The following CYP2C18 variants were observed in gnomAD, a reference collection of about 807,000 sequenced individuals.
CYP2C18 encodes the protein cytochrome P450 2C18.
Under a neutral mutation model 41.3 loss-of-function variants are expected in CYP2C18, and 38 were observed. The ratio of observed to expected loss-of-function variants is 0.92; its 90% CI spans 0.71 to 1.21. The LOEUF (loss-of-function observed/expected upper bound fraction) is 1.21, where lower values mean the gene tolerates loss of function less well. Among genes scored for constraint, CYP2C18 ranks in the 50% most tolerant of loss-of-function variants. The pLI, the probability that CYP2C18 is intolerant of heterozygous loss-of-function variation, is 0.00. For missense variants in CYP2C18, 635 were observed against 591.4 expected (o/e 1.07, Z -0.77); for synonymous variants, 236 against 210.0 (o/e 1.12, Z -1.07).
intron 5 of CYP2C18, 83 bp downstream of exon 5, chr10:94,707,043 C>G: frequency 1.8e-6 from 2 of 1,130,312 alleles, no homozygotes; most frequent in Non-Finnish European, 1.3e-6. Flanking sequence ...GCAAGAAACA[C>G]TTCATGAGCA....
At chr10:94,707,917 G>T (rs933117235) in intron 5 of CYP2C18, among the ~76,000 whole-genome samples, 1 of 152,026 alleles carries the variant, frequency 6.6e-6, no homozygotes, top group African/African-American at 2.4e-5. Context: ...TAGTGGTAGG[G>T]TCAATATGGA....
chr10:94,733,419 C>T lies in CYP2C18; in HGVS notation c.1272C>T (p.Tyr424=). ...GTGGCAACTTTAAGAAAAGTGACTACTTCATGCCTTTCTCAGCAGGTAATA... is the reference window on the plus strand; with the variant it reads ...GTGGCAACTTTAAGAAAAGTGACTATTTCATGCCTTTCTCAGCAGGTAATA... The part of the protein sequence containing the change: ...DKSGNFKKSD[Y]FMPFSAGKRM... Residue 424 remains tyrosine, a synonymous_variant, in exon 8 of 9, where the codon TAC becomes TAT. Coordinates refer to ENST00000285979, the MANE Select transcript of CYP2C18 (RefSeq NM_000772.3). 1.2e-6 allele frequency: 2 copies of T among 1,613,288 alleles called. No individual in the cohort carries two copies. Among genetic ancestry groups the T allele is most frequent in the Non-Finnish European group, 1.7e-6 (2 of 1,179,484 alleles).
chr10:94,697,451 C>G (rs143566259), intron 4 of CYP2C18, among the ~76,000 whole-genome samples: 112 of 152,206 alleles, frequency 7.4e-4, no homozygotes, highest in African/African-American at 2.3e-3. Flanking sequence ...GTCACCACCA[C>G]GCCTGCCCTA....
At chr10:94,693,760 C>G (rs775225508) in intron 3 of CYP2C18, among the ~76,000 whole-genome samples, 11 of 152,198 alleles carry the variant, frequency 7.2e-5, no homozygotes, top group Non-Finnish European at 1.3e-4. Flanking sequence ...AATTCCCCAT[C>G]ATTACCGCAC....
At chr10:94,693,027 G>T (rs1318878325) in intron 3 of CYP2C18, among the ~76,000 whole-genome samples, 6 of 152,064 alleles carry the variant, frequency 3.9e-5, no homozygotes, top group East Asian at 1.9e-4. Flanking sequence ...GTGGGGGAAG[G>T]GGGGAGGGAT....
intron 7 of CYP2C18, among the ~76,000 whole-genome samples, chr10:94,733,089 A>C (rs1471446275): frequency 6.6e-6 from 1 of 152,076 alleles, no homozygotes; most frequent in Non-Finnish European, 1.5e-5. Context: ...TTCAAGTGCA[A>C]TTAATTGGAG....
chr10:94,724,331 C>G lies in CYP2C18; in HGVS notation c.962-15C>G. 6.2e-7 allele frequency: 1 copy of G among 1,612,558 alleles called. No individual in the cohort carries two copies. Among genetic ancestry groups the G allele is most frequent in the East Asian group, 2.2e-5 (1 of 44,808 alleles). On this transcript the variant is annotated splice_polypyrimidine_tract_variant and intron_variant, in intron 6 of 8. Coordinates refer to ENST00000285979, the MANE Select transcript of CYP2C18 (RefSeq NM_000772.3). Reference sequence around the variant, plus strand: ...TTTCCTCCTTTTCCATCATTTCTTACTTGTGTCTTATCAGCTAAAGTCCAG... The same window carrying G: ...TTTCCTCCTTTTCCATCATTTCTTAGTTGTGTCTTATCAGCTAAAGTCCAG...
intron 8 of CYP2C18, among the ~76,000 whole-genome samples, chr10:94,734,366 C>A (rs1847883848): frequency 6.6e-6 from 1 of 152,100 alleles, no homozygotes; most frequent in African/African-American, 2.4e-5. Context: ...ACTGTATACA[C>A]TGAGATGTCA....
rs1360141062 is a variant in CYP2C18 at position 94,735,165 on chromosome 10, A to G, written c.1292-98A>G. On this transcript the variant is annotated intron_variant, in intron 8 of 8. Transcript: ENST00000285979. ...CAGTCATTCTGCCTTCGATCCATCCATCTATTTAATCATTTATCAAATAGT... is the reference window on the plus strand; with the variant it reads ...CAGTCATTCTGCCTTCGATCCATCCGTCTATTTAATCATTTATCAAATAGT... 3 of 1,235,906 alleles carry G rather than the reference A, an allele frequency of 2.4e-6. No homozygotes were observed. In the African/African-American group the frequency reaches 4.5e-5, roughly 19 times the overall value. 76.6% of individuals were successfully genotyped at this position (1,235,906 alleles called of 1,614,324 possible). A position where few individuals can be genotyped will look rare whatever the true frequency, so the allele number is the denominator to read the frequency against.
chr10:94,732,890 A>T (rs963166300), intron 7 of CYP2C18, among the ~76,000 whole-genome samples: 1 of 152,022 alleles, frequency 6.6e-6, no homozygotes, highest in Non-Finnish European at 1.5e-5. Flanking sequence ...TGTACCCTAA[A>T]CCTCAGCATC....
intron 6 of CYP2C18, among the ~76,000 whole-genome samples, chr10:94,723,097 T>C (rs1847674310): frequency 6.6e-6 from 1 of 152,164 alleles, no homozygotes; most frequent in Non-Finnish European, 1.5e-5. Context: ...AGAATGGCAT[T>C]AGAATTCTCA....
chr10:94,735,096 G>A (rs886164694), intron 8 of CYP2C18, among the ~76,000 whole-genome samples, 167 bp from the exon 9 acceptor site: 1 of 146,992 alleles, frequency 6.8e-6, no homozygotes, highest in African/African-American at 2.6e-5. Flanking sequence ...AAGTAGATAG[G>A]AAGTGTATTC....
intron 5 of CYP2C18, among the ~76,000 whole-genome samples, chr10:94,715,739 A>T (rs528768142): frequency 6.6e-6 from 1 of 152,284 alleles, no homozygotes; most frequent in East Asian, 1.9e-4. Flanking sequence ...ATTGATTGGA[A>T]TAGTTTCAGA....
At chr10:94,712,985 CT>C (rs917842746) in intron 5 of CYP2C18, among the ~76,000 whole-genome samples, 2 of 151,868 alleles carry the variant, frequency 1.3e-5, no homozygotes, top group Admixed American at 6.6e-5. Flanking sequence ...TGTATGTCTT[CT>C]TTTTAGAAAT....
At chr10:94,731,107 G>A (rs935418718) in intron 7 of CYP2C18, among the ~76,000 whole-genome samples, 2 of 152,108 alleles carry the variant, frequency 1.3e-5, no homozygotes, top group Non-Finnish European at 2.9e-5. Context: ...TGGGCCAGGT[G>A]CGGTGGCTCA....
At position 94,720,431 on chromosome 10, in the gene CYP2C18, A is replaced by G. The variant is rs1847627128; in HGVS notation, c.855A>G (p.Glu285=). The G allele has an allele frequency of 6.2e-7, 1 of 1,612,814 alleles. No individual in the cohort carries two copies. The stretch of plus-strand genomic sequence containing the variant: ...ATCAACAGTCTGAATTTACTGTTGA[A>G]AGCTTGATAGCCACTGTAACTGATA... ...KHNQQSEFTV[E]SLIATVTDMF... The change falls in exon 6 of 9, where the codon GAA becomes GAG. Residue 285 remains glutamate, a synonymous_variant. Transcript: ENST00000285979.
At chr10:94,702,628 A>G (rs1330948128) in intron 4 of CYP2C18, among the ~76,000 whole-genome samples, 1 of 151,910 alleles carries the variant, frequency 6.6e-6, no homozygotes, top group African/African-American at 2.4e-5. Context: ...CTAGTTAGCA[A>G]TTCCTCTTTT....
chr10:94,704,481 A>G (rs1847302500), intron 4 of CYP2C18, among the ~76,000 whole-genome samples: 1 of 151,862 alleles, frequency 6.6e-6, no homozygotes, highest in South Asian at 2.1e-4. Context: ...AAAAAGAGAC[A>G]TAGAAAAAAT....
chr10:94,714,629 TC>T (rs1350823613), intron 5 of CYP2C18, among the ~76,000 whole-genome samples: 1 of 152,226 alleles, frequency 6.6e-6, no homozygotes, highest in African/African-American at 2.4e-5. Context: ...CCAGCTTTGT[TC>T]TTTTGACTCA....
Sources: gnomAD v4.1 joint callset for allele counts (sites outside exome capture counted in the v4.1 genomes callset) on GRCh38, gnomAD v4.1.1 for gene constraint, MANE v1.5 for transcripts, NCBI Gene and HGNC (gene_info 2026-07-23, HGNC 2026-07-21) for gene names.